USP35: variants seen among roughly 807,000 people sequenced by gnomAD.
The protein encoded by USP35 is ubiquitin specific peptidase 35.
In USP35, 69 loss-of-function variants were observed where a neutral mutation model predicts 83.8. That is an observed-to-expected ratio of 0.82 (90% CI 0.68 to 1.01). The LOEUF (loss-of-function observed/expected upper bound fraction) is 1.01. Ranked by LOEUF, USP35 falls within the 50% of genes least tolerant of loss-of-function variation. USP35 has a pLI of 0.00. For synonymous variants in USP35, 714 were observed against 589.5 expected, an observed-to-expected ratio of 1.21 and a Z score of -3.06; for missense variants, 1,503 against 1,362.5, an observed-to-expected ratio of 1.10 and a Z score of -1.62.
At position 78,208,963 on chromosome 11, in the gene USP35, G is replaced by C; in HGVS notation, c.1592G>C (p.Arg531Pro). Reference sequence around the variant, plus strand: ...GAGTATCTGAAGTACCTGCTGGATCGGTAAGGGGGCCAGGGCTACGCGAAG... The same window carrying C: ...GAGTATCTGAAGTACCTGCTGGATCCGTAAGGGGGCCAGGGCTACGCGAAG... ...CSEYLKYLLD[R>P]LHEEEKTGTR... The change falls in exon 9 of 11, where the codon CGG (arginine) becomes CCG (proline). Residue 531 changes from arginine to proline, a missense_variant and splice_region_variant. Arg to Pro is a moderately radical substitution (Grantham distance 103). Coordinates refer to ENST00000529308, the MANE Select transcript of USP35 (RefSeq NM_020798.4). 6.2e-7 allele frequency: 1 copy of C among 1,613,980 alleles called. No individual in the cohort carries two copies. Among genetic ancestry groups the C allele is most frequent in the Non-Finnish European group, 8.5e-7 (1 of 1,179,856 alleles).
At chr11:78,210,815 T>G (rs1863742725) in intron 10 of USP35, 71 bp downstream of exon 10, 1 of 1,438,482 alleles carries the variant, frequency 7.0e-7, no homozygotes, top group Non-Finnish European at 9.2e-7. Context: ...CTGGCTTAGA[T>G]AAGTCATTTC....
chr11:78,223,282 T>G, the USP35 span: 2 of 694,410 alleles, frequency 2.9e-6, no homozygotes, highest in Non-Finnish European at 4.5e-6. Flanking sequence ...ATAAGAAAAC[T>G]GAGACTCAGA....
At chr11:78,219,210 GGGGAGAT>G, downstream of USP35, 1 of 1,497,408 alleles carries the variant, frequency 6.7e-7, no homozygotes, top group South Asian at 1.2e-5. Flanking sequence ...AGAGGGGAGA[GGGGAGAT>G]GGGAAGGGCC....
At chr11:78,202,703 T>G (rs1863392586) in intron 6 of USP35, among the ~76,000 whole-genome samples, 1 of 152,184 alleles carries the variant, frequency 6.6e-6, no homozygotes, top group African/African-American at 2.4e-5. Context: ...CAAAGCTGCC[T>G]TACAATGGAA....
At chr11:78,197,240 G>C (rs1455964839) in intron 2 of USP35, among the ~76,000 whole-genome samples, 1 of 32,938 alleles carries the variant, frequency 3.0e-5, no homozygotes, top group Non-Finnish European at 8.8e-5. Flanking sequence ...GGGGGAGGTG[G>C]GGGGGGGGGT....
Position 78,200,664 on chromosome 11 carries a change from C to G in USP35, c.1053C>G (p.Ile351Met), listed in dbSNP as rs778695044. Residue 351 changes from isoleucine to methionine, a missense_variant, in exon 6 of 11, where the codon ATC becomes ATG. Transcript: ENST00000529308. ...TGCTCCCACAGCTCCTCCCTCACAT[C>G]CCCCCCATGGTGGCCTCTCTGGTCA... ...HEAFHLLLPH[I>M]PPMVASLVKE... is the part of the protein sequence containing the mutation. The G allele has an allele frequency of 6.2e-7, 1 of 1,607,476 alleles. No homozygotes were observed. Among genetic ancestry groups the G allele is most frequent in the East Asian group, 2.2e-5 (1 of 44,744 alleles).
At chr11:78,215,990 A>ACTT (rs569500260), downstream of USP35, 57 of 152,762 alleles carry the variant, frequency 3.7e-4, 1 homozygote, top group African/African-American at 1.3e-3. Flanking sequence ...TACTTTGTTA[A>ACTT]CTTCTACATT....
downstream of USP35, chr11:78,218,278 C>A (rs1864248977): frequency 6.5e-6 from 1 of 153,962 alleles, no homozygotes; most frequent in African/African-American, 2.4e-5. Flanking sequence ...CCCTGCATCA[C>A]CCCCATCCAC....
chr11:78,199,585 C>A lies in USP35; in HGVS notation c.807-10C>A. On this transcript the variant is annotated splice_polypyrimidine_tract_variant and intron_variant, in intron 3 of 10. Transcript: ENST00000529308. ...CCTTGTCCCTGTGTCACTGTCACTC[C>A]CCTCACCAGGATGATTGACTGGGTG... 2 of 1,614,100 alleles carry A rather than the reference C, an allele frequency of 1.2e-6. No homozygotes were observed. Among genetic ancestry groups the A allele is most frequent in the South Asian group, 1.1e-5 (1 of 91,080 alleles).
At chr11:78,200,916 G>T in intron 6 of USP35, 108 bp downstream of exon 6, 1 of 1,447,308 alleles carries the variant, frequency 6.9e-7, no homozygotes, top group Non-Finnish European at 9.2e-7. Flanking sequence ...GTCATTTGGT[G>T]CCTGGCTGTC....
the USP35 span, chr11:78,225,279 G>A: frequency 1.1e-6 from 1 of 940,978 alleles, no homozygotes; most frequent in East Asian, 2.4e-5. Context: ...TCACCAGTGT[G>A]GTTCAAGGTC....
chr11:78,197,029 T>C (rs2137029232), intron 2 of USP35, 111 bp downstream of exon 2: 2 of 1,366,110 alleles, frequency 1.5e-6, no homozygotes, highest in East Asian at 5.8e-5. Context: ...GTGGCACGAG[T>C]GTGCCAGGCG....
the USP35 span, chr11:78,220,538 C>G: frequency 9.3e-7 from 1 of 1,077,816 alleles, no homozygotes; most frequent in Non-Finnish European, 1.3e-6. Context: ...CACTGTTTCC[C>G]TGAGCCCTAC....
At position 78,196,659 on chromosome 11, in the gene USP35, CG is replaced by C; in HGVS notation, c.415del (p.Ala139ArgfsTer51). 7.1e-7 allele frequency: 1 copy of C among 1,414,292 alleles called. No individual in the cohort carries two copies. The highest frequency in any genetic ancestry group is 9.2e-7 in the Non-Finnish European group (1 of 1,092,560). The allele number at this position is 1,414,292 out of a possible 1,614,324, so 87.6% of individuals were successfully genotyped here. On this transcript the variant is annotated frameshift_variant, in exon 2 of 11. Coordinates refer to ENST00000529308, the MANE Select transcript of USP35 (RefSeq NM_020798.4). LOFTEE classifies it high-confidence loss of function. This position sits in a 1 kb window ranked among gnomAD's most constrained non-coding sequence, Gnocchi z 4.8. ...GCACCGTGTGCGAGCGCCCGGGCCC[CG>C]CGGCCTGCGCGCAGGTGGCACGGCT... is the stretch of plus-strand genomic sequence containing the variant. ...LRTVCERPGPAACAQVARLLA... is the reference protein window; with the variant it reads ...LRTVCERPGPXACAQVARLLA...
Position 78,215,006 on chromosome 11 carries a change from G to A in USP35, c.*1193G>A, listed in dbSNP as rs1290686718. Among the ~76,000 whole-genome samples the A allele has an allele frequency of 3.9e-5, 6 of 152,232 alleles. No homozygotes were observed. In the East Asian group the frequency reaches 1.2e-3, roughly 29 times the overall value. The stretch of plus-strand genomic sequence containing the variant: ...CTGCCTGCTGTGATGGTGGTGTGGA[G>A]TTTGGGCCCAATGTCACAGACCCTC... On this transcript the variant is annotated 3_prime_UTR_variant, in exon 11 of 11. Coordinates refer to ENST00000529308, the MANE Select transcript of USP35 (RefSeq NM_020798.4).
chr11:78,225,240 G>T, the USP35 span: 2 of 1,367,554 alleles, frequency 1.5e-6, no homozygotes, highest in South Asian at 1.2e-5. Flanking sequence ...ACTCATGGTT[G>T]ATTCATGTGT....
At chr11:78,206,535 C>T (rs558438197) in intron 7 of USP35, among the ~76,000 whole-genome samples, 13 of 152,248 alleles carry the variant, frequency 8.5e-5, no homozygotes, top group Non-Finnish European at 1.5e-4. Flanking sequence ...TTTCTCTGAG[C>T]GTCAGGTTCA....
chr11:78,201,140 G>T (rs976182820), intron 6 of USP35, among the ~76,000 whole-genome samples: 2 of 152,214 alleles, frequency 1.3e-5, no homozygotes, highest in Admixed American at 1.3e-4. Context: ...GTAAGTCTCT[G>T]TTCTAGTGTT....
At chr11:78,189,315 A>G (rs1285180450) in intron 1 of USP35, among the ~76,000 whole-genome samples, 158 bp downstream of exon 1, 2 of 152,114 alleles carry the variant, frequency 1.3e-5, no homozygotes, top group East Asian at 3.9e-4. Context: ...GCGAGTAGCT[A>G]TTCCTCTCTG....
Sources: allele counts gnomAD v4.1 joint callset (sites outside exome capture counted in the v4.1 genomes callset), GRCh38; gene constraint gnomAD v4.1.1; non-coding constraint Gnocchi (gnomAD v3.1); transcripts MANE v1.5; gene names NCBI Gene and HGNC (gene_info 2026-07-23, HGNC 2026-07-21).